Variants in TMC3 observed in about 807,000 individuals in gnomAD.
TMC3 encodes transmembrane channel-like protein 3.
TMC3 carries 98 observed loss-of-function variants against 110.6 expected under a neutral mutation model. That is an observed-to-expected ratio of 0.89 (90% confidence interval 0.75 to 1.05). The LOEUF (loss-of-function observed/expected upper bound fraction) is 1.05. Ranked by LOEUF, TMC3 falls within the 50% of genes least tolerant of loss-of-function variation. The pLI is 0.00. For synonymous variants in TMC3, 489 were observed against 513.1 expected (o/e 0.95, Z 0.63); for missense variants, 1,319 against 1,373.2 (o/e 0.96, Z 0.62).
Position 81,332,442 on chromosome 15 carries a change from C to G in TMC3, c.3280G>C (p.Asp1094His). The G allele has an allele frequency of 6.2e-7, 1 of 1,608,412 alleles. No homozygotes were observed. The highest frequency in any genetic ancestry group is 1.1e-5 in the South Asian group (1 of 90,184). ...SGQELTVDLD[D>H]LICSDV ...GCCTAGACATCTGAACAAATCAAGT[C>G]ATCCAGATCCACGGTCAGCTCCTGC... The change falls in exon 22 of 22, where the codon GAC (aspartate) becomes CAC (histidine). Residue 1094 changes from aspartate to histidine, a missense_variant. Physicochemically the swap from Asp to His is moderately conservative, Grantham distance 81 (BLOSUM62 -1). Transcript: ENST00000359440.
chr15:81,340,505 T>G (rs1165803125), intron 16 of TMC3, among the ~76,000 whole-genome samples: 1 of 152,224 alleles, frequency 6.6e-6, no homozygotes, highest in Non-Finnish European at 1.5e-5. Flanking sequence ...GCCACTGATA[T>G]AGACACACAT....
At chr15:81,340,010 G>T (rs1258750226) in intron 16 of TMC3, among the ~76,000 whole-genome samples, 1 of 152,184 alleles carries the variant, frequency 6.6e-6, no homozygotes, top group Non-Finnish European at 1.5e-5. Context: ...GCATGTGGCT[G>T]CCCAGGGTAT....
Position 81,344,894 on chromosome 15 carries a change from T to C in TMC3, c.1390A>G (p.Arg464Gly). The C allele has an allele frequency of 6.2e-7, 1 of 1,613,978 alleles. No homozygotes were observed. The highest frequency in any genetic ancestry group is 8.5e-7 in the Non-Finnish European group (1 of 1,179,882). ...STSRPGMGLR[R>G]NNTWALEETS... The stretch of plus-strand genomic sequence containing the variant: ...TCTTCCAAGGCCCATGTGTTGTTTC[T>C]CCTGAGCCCCATTCCAGGCCGAGAT... Residue 464 changes from arginine to glycine, a missense_variant, in exon 13 of 22, where the codon AGA becomes GGA. By Grantham distance (125) the Arg-to-Gly change is moderately radical (BLOSUM62 -2). Transcript: ENST00000359440.
At chr15:81,337,722 A>G (rs1327427170) in intron 19 of TMC3, 124 bp downstream of exon 19, 3 of 790,572 alleles carry the variant, frequency 3.8e-6, no homozygotes, top group Non-Finnish European at 6.6e-6. Context: ...GCCTTGCACC[A>G]TAGTGGGTGG....
chr15:81,347,477 C>T (rs1200074901), intron 11 of TMC3, among the ~76,000 whole-genome samples: 2 of 152,144 alleles, frequency 1.3e-5, no homozygotes, highest in Non-Finnish European at 2.9e-5. Context: ...ACGGGATTCC[C>T]GTGGGCACAG....
chr15:81,345,205 A>G (rs1263670388), intron 12 of TMC3, among the ~76,000 whole-genome samples, 194 bp from the exon 13 acceptor site: 1 of 152,194 alleles, frequency 6.6e-6, no homozygotes, highest in Non-Finnish European at 1.5e-5. Context: ...CAGAGGTGTA[A>G]TGGATAATAT....
At chr15:81,368,890 A>G (rs1369441498) in intron 2 of TMC3, among the ~76,000 whole-genome samples, 1 of 146,680 alleles carries the variant, frequency 6.8e-6, no homozygotes, top group Non-Finnish European at 1.5e-5. Context: ...CTCTGCCTAA[A>G]TGTTCAGTCC....
Position 81,333,169 on chromosome 15 carries a change from G to T in TMC3, c.2553C>A (p.His851Gln), listed in dbSNP as rs1178789338. The change falls in exon 22 of 22, where the codon CAC (histidine) becomes CAA (glutamine). Residue 851 changes from histidine to glutamine, a missense_variant. Coordinates refer to ENST00000359440, the MANE Select transcript of TMC3 (RefSeq NM_001080532.3). Reference sequence around the variant, plus strand: ...AGTCTTTTCGGAAAAGAGGTTCTGAGTGTACATCTTCGATGTGCGTTGTAA... The same window carrying T: ...AGTCTTTTCGGAAAAGAGGTTCTGATTGTACATCTTCGATGTGCGTTGTAA... ...MTFTTHIEDV[H>Q]SEPLFRKDFQ... 2 of 1,614,054 alleles carry T rather than the reference G, an allele frequency of 1.2e-6. No homozygotes were observed. The highest frequency in any genetic ancestry group is 2.2e-5 in the South Asian group (2 of 91,086).
At position 81,331,182 on chromosome 15, in the gene TMC3, C is replaced by T. The variant is rs1319181775; in HGVS notation, c.*1237G>A. The T allele has an allele frequency of 1.3e-5, 2 of 152,250 alleles. No homozygotes were observed. The highest frequency in any genetic ancestry group is 1.9e-4 in the East Asian group (1 of 5,202). The allele number at this position is 152,250 out of a possible 1,614,324, so 9.4% of individuals were successfully genotyped here. On this transcript the variant is annotated 3_prime_UTR_variant, in exon 22 of 22. Coordinates refer to ENST00000359440, the MANE Select transcript of TMC3 (RefSeq NM_001080532.3). ...GAGCCCTGGATAAAGAAAGCAGCCA[C>T]CTTTTAAGCAGTCGGTGGCCGGGAG...
intron 16 of TMC3, among the ~76,000 whole-genome samples, chr15:81,340,208 GTCTCTCTCTGTCTCTGTCTC>G (rs1893683505): frequency 7.6e-6 from 1 of 131,468 alleles, no homozygotes; most frequent in African/African-American, 3.5e-5. Flanking sequence ...CTGTTTCTCT[GTCTCTCTCTGTCTCTGTCTC>G]TCTCTCTCTC....
chr15:81,337,983 AC>A, intron 18 of TMC3, 59 bp from the exon 19 acceptor site: 1 of 1,353,342 alleles, frequency 7.4e-7, no homozygotes, highest in Non-Finnish European at 1.1e-6. Flanking sequence ...TGCTTTTCAG[AC>A]CACATTCCCT....
intron 20 of TMC3, 50 bp from the exon 21 acceptor site, chr15:81,335,025 G>T: frequency 6.3e-7 from 1 of 1,596,270 alleles, no homozygotes; most frequent in South Asian, 1.1e-5. Context: ...CTGAGCAGGT[G>T]ACAACTTCAG....
At position 81,355,783 on chromosome 15, in the gene TMC3, C is replaced by T. The variant is rs750891017; in HGVS notation, c.892-15G>A. ...AATATAGCTTCCTTTAAGAAAAATA[C>T]ATACAGCAATAAAAGCTTAGCATCA... On this transcript the variant is annotated splice_polypyrimidine_tract_variant and intron_variant, in intron 8 of 21. Transcript: ENST00000359440. 1.4e-5 allele frequency: 22 copies of T among 1,534,568 alleles called. No homozygotes were observed. The highest frequency in any genetic ancestry group is 1.9e-5 in the Non-Finnish European group (21 of 1,115,376).
chr15:81,338,254 A>AT (rs531336991), intron 18 of TMC3, among the ~76,000 whole-genome samples: 120 of 151,254 alleles, frequency 7.9e-4, no homozygotes, highest in Non-Finnish European at 1.5e-3. Flanking sequence ...ACTCACTTTT[A>AT]TTTTTTTTTC....
At chr15:81,367,655 T>C (rs1389365904) in intron 3 of TMC3, among the ~76,000 whole-genome samples, 1 of 152,126 alleles carries the variant, frequency 6.6e-6, no homozygotes, top group Non-Finnish European at 1.5e-5. Flanking sequence ...CCTACGAATA[T>C]GGGTGGGATT....
chr15:81,358,662 G>A (rs7178648), intron 5 of TMC3, among the ~76,000 whole-genome samples, 162 bp from the exon 6 acceptor site: 65,414 of 151,752 alleles, frequency 0.43, 16,159 homozygotes, highest in African/African-American at 0.66. Context: ...AATCTTGGGC[G>A]GCCAGATTTT....
intron 21 of TMC3, among the ~76,000 whole-genome samples, chr15:81,334,262 C>G (rs1023860820): frequency 6.6e-6 from 1 of 152,148 alleles, no homozygotes; most frequent in Admixed American, 6.5e-5. Context: ...TTTGGGCCAC[C>G]GCAGGTCTAT....
rs912721712 is a variant in TMC3, at chr15:81,333,016, ATTTAGATG to A, written c.2698_2705del (p.His900CysfsTer14). On this transcript the variant is annotated frameshift_variant, in exon 22 of 22. Coordinates refer to ENST00000359440, the MANE Select transcript of TMC3 (RefSeq NM_001080532.3). LOFTEE classifies it low-confidence loss of function (END_TRUNC). ...TCTTGAAATGTCTTTCTGGCCAGAC[ATTTAGATG>A]TTTTTTCTTGTAAGAGTCACATTCA... 7 of 1,613,810 alleles carry A rather than the reference ATTTAGATG, an allele frequency of 4.3e-6. No individual in the cohort carries two copies. The African/African-American group carries it at 9.3e-5, about 22-fold the overall frequency.
At chr15:81,358,021 A>C (rs1382106470) in intron 7 of TMC3, 128 bp downstream of exon 7, 3 of 1,145,778 alleles carry the variant, frequency 2.6e-6, no homozygotes, top group Non-Finnish European at 3.6e-6. Context: ...ATATCATAAC[A>C]CTTGATATGT....
Sources: gnomAD v4.1 joint callset for allele counts (sites outside exome capture counted in the v4.1 genomes callset) on GRCh38, gnomAD v4.1.1 for gene constraint, MANE v1.5 for transcripts, NCBI Gene and HGNC (gene_info 2026-07-23, HGNC 2026-07-21) for gene names.